The following STIP1 variants were observed in gnomAD, a reference collection of about 807,000 sequenced individuals.
STIP1 encodes stress induced phosphoprotein 1, also known as stress-induced-phosphoprotein 1.
STIP1 carries 16 observed loss-of-function variants against 77.4 expected under a neutral mutation model. The observed-to-expected ratio is 0.21, with a 90% CI of 0.14 to 0.31. The LOEUF is 0.31. STIP1 is among the 10% of genes least tolerant of loss of function. The pLI, the probability that STIP1 is intolerant of heterozygous loss-of-function variation, is 1.00. For missense variants in STIP1, 524 were observed against 684.8 expected (o/e 0.77, Z 2.62); for synonymous variants, 258 against 246.6 (o/e 1.05, Z -0.44).
chr11:64,197,063 G>GTCGC, intron 5 of STIP1: 1 of 620,526 alleles, frequency 1.6e-6, no homozygotes, highest in Non-Finnish European at 2.7e-6. Context: ...GGAAAAGGGG[G>GTCGC]AGTTTCAGAG....
chr11:64,186,029 GA>G, upstream of STIP1: 1 of 1,545,584 alleles, frequency 6.5e-7, no homozygotes, highest in East Asian at 2.4e-5. Context: ...AGGGTTGAGG[GA>G]ATTACTCCCC....
rs560252329 is a variant in STIP1, at chr11:64,202,711, T to G, written c.1246-165T>G. ...AGCCTCTTGCAGAGTCCAGGCAGTT[T>G]GTCTTGTGTGGGATGATCCATCATC... On this transcript the variant is annotated intron_variant, in intron 10 of 13. Transcript: ENST00000305218. 114 of 707,234 alleles carry G rather than the reference T, an allele frequency of 1.6e-4. No homozygotes were observed. In the East Asian group the frequency reaches 2.8e-3, roughly 18 times the overall value. 43.8% of individuals were successfully genotyped at this position (707,234 alleles called of 1,614,324 possible).
Position 64,203,147 on chromosome 11 carries a change from C to G in STIP1, c.1305C>G (p.Ala435=), listed in dbSNP as rs199591455. 4.3e-6 allele frequency: 7 copies of G among 1,614,172 alleles called. No homozygotes were observed. Among genetic ancestry groups the G allele is most frequent in the African/African-American group, 1.3e-5 (1 of 75,048 alleles). The change falls in exon 12 of 14, where the codon GCC becomes GCG. Residue 435 remains alanine (A), a synonymous_variant. Transcript: ENST00000305218. ...TAGTCAAGGGTTATACACGGAAAGC[C>G]GCTGCGCTGGAAGCGATGAAGGACT... The part of the protein sequence containing the change: ...PTFIKGYTRK[A]AALEAMKDYT...
rs1418167504 is a variant in STIP1, at chr11:64,201,692, T to TA, written c.1246-1183dup. Among the ~76,000 whole-genome samples the TA allele has an allele frequency of 9.2e-5, 14 of 152,312 alleles. No individual in the cohort carries two copies. In the South Asian group the frequency reaches 2.9e-3, roughly 32 times the overall value. On this transcript the variant is annotated intron_variant, in intron 10 of 13. Transcript: ENST00000305218. ...CTTGGCCTAGAGACATCATTTCTAC[T>TA]AGTAGGATTGTGCAAGAGTCATGTC...
chr11:64,200,835 C>G (rs1946211657), intron 10 of STIP1, among the ~76,000 whole-genome samples: 1 of 150,244 alleles, frequency 6.7e-6, no homozygotes, highest in South Asian at 2.1e-4. Flanking sequence ...GAGACAGTCT[C>G]ACTCAGCTGC....
At chr11:64,190,261 C>T (rs1335779579) in intron 1 of STIP1, among the ~76,000 whole-genome samples, 1 of 152,084 alleles carries the variant, frequency 6.6e-6, no homozygotes. Flanking sequence ...GCAACCTCCG[C>T]CTCCCAGGTT....
At chr11:64,191,902 G>A (rs1030040403) in intron 1 of STIP1, among the ~76,000 whole-genome samples, 4 of 152,230 alleles carry the variant, frequency 2.6e-5, no homozygotes, top group South Asian at 2.1e-4. Flanking sequence ...CTTGCCAGAC[G>A]GTGGGGCAGG....
At chr11:64,198,462 CA>C (rs2134801509) in intron 8 of STIP1, among the ~76,000 whole-genome samples, 1 of 152,262 alleles carries the variant, frequency 6.6e-6, no homozygotes, top group South Asian at 2.1e-4. Context: ...CCACCCACCT[CA>C]ACCTCCCAAA....
rs1303540859 is a variant in STIP1 at position 64,202,882 on chromosome 11, G to A, written c.1252G>A (p.Glu418Lys). 1 of 1,614,222 alleles carries A rather than the reference G, an allele frequency of 6.2e-7. No individual in the cohort carries two copies. The highest frequency in any genetic ancestry group is 1.1e-5 in the South Asian group (1 of 91,084). The change falls in exon 11 of 14, where the codon GAG becomes AAG. Residue 418 changes from glutamate (E) to lysine (K), a missense_variant. Coordinates refer to ENST00000305218, the MANE Select transcript of STIP1 (RefSeq NM_006819.3). The part of the protein sequence containing the change: ...LEFQLALKDC[E>K]ECIQLEPTFI... Reference sequence around the variant, plus strand: ...TTCTGTTGCTTCATTCTAGGACTGTGAGGAATGTATCCAGCTGGAGCCGAC... The same window carrying A: ...TTCTGTTGCTTCATTCTAGGACTGTAAGGAATGTATCCAGCTGGAGCCGAC...
chr11:64,202,741 G>A lies in STIP1; in HGVS notation c.1246-135G>A. On this transcript the variant is annotated intron_variant, in intron 10 of 13. Coordinates refer to ENST00000305218, the MANE Select transcript of STIP1 (RefSeq NM_006819.3). ...TGTGTGGGATGATCCATCATCTGGA[G>A]TTGTCTTTCCTGATGTTGTCCCCTC... The A allele has an allele frequency of 6.6e-6, 6 of 914,734 alleles. No individual in the cohort carries two copies. The South Asian group carries it at 8.5e-5, about 13-fold the overall frequency. 56.7% of individuals were successfully genotyped at this position (914,734 alleles called of 1,614,324 possible).
rs755399481 is a variant in STIP1 at position 64,204,142 on chromosome 11, C to A, written c.*16C>A. ...AATTCGGTGATGACTTGTTCATCCC[C>A]CCTTCCCTTCGCCCTCATGTGGAAA... On this transcript the variant is annotated 3_prime_UTR_variant, in exon 14 of 14. Transcript: ENST00000305218. The A allele has an allele frequency of 6.2e-7, 1 of 1,614,062 alleles. No homozygotes were observed. The highest frequency in any genetic ancestry group is 8.5e-7 in the Non-Finnish European group (1 of 1,179,960).
At chr11:64,203,962 T>C (rs1393395129) in intron 13 of STIP1, 92 bp from the exon 14 acceptor site, 1 of 1,483,472 alleles carries the variant, frequency 6.7e-7, no homozygotes, top group African/African-American at 1.4e-5. Context: ...TGCCGGGGCC[T>C]TCTGTAGAGG....
At chr11:64,187,689 C>T (rs775765254) in intron 1 of STIP1, among the ~76,000 whole-genome samples, 3 of 152,130 alleles carry the variant, frequency 2.0e-5, no homozygotes, top group Admixed American at 6.6e-5. Flanking sequence ...TGGAATAAGA[C>T]GTTGCTCTTT....
intron 5 of STIP1, among the ~76,000 whole-genome samples, chr11:64,196,428 A>G (rs1173471521): frequency 3.3e-5 from 5 of 150,592 alleles, no homozygotes; most frequent in African/African-American, 9.7e-5. Flanking sequence ...TCACAAGAGC[A>G]TTCCTAGGAG....
upstream of STIP1, chr11:64,185,963 A>G (rs754095656): frequency 1.0e-5 from 16 of 1,538,288 alleles, no homozygotes; most frequent in African/African-American, 8.2e-5. Context: ...CCATTCGTGG[A>G]GCCTGAGATG....
chr11:64,203,936 C>T (rs986760434), intron 13 of STIP1, 118 bp from the exon 14 acceptor site: 19 of 1,276,482 alleles, frequency 1.5e-5, no homozygotes, highest in Admixed American at 7.5e-5. Flanking sequence ...CCCCGGGCCT[C>T]GCCAGGACCC....
Position 64,197,305 on chromosome 11 carries a change from A to C in STIP1, c.707A>C (p.Tyr236Ser). 6.2e-7 allele frequency: 1 copy of C among 1,614,084 alleles called. No homozygotes were observed. Among genetic ancestry groups the C allele is most frequent in the Non-Finnish European group, 8.5e-7 (1 of 1,180,012 alleles). ...LKEKELGNDA[Y>S]KKKDFDTALK... ...GAAAAAGAGCTGGGGAACGATGCCTACAAGAAGAAAGACTTTGACACAGCC... is the reference window on the plus strand; with the variant it reads ...GAAAAAGAGCTGGGGAACGATGCCTCCAAGAAGAAAGACTTTGACACAGCC... The change falls in exon 6 of 14, where the codon TAC becomes TCC. Residue 236 changes from tyrosine to serine, a missense_variant. By Grantham distance (144) the Tyr-to-Ser change is moderately radical. Transcript: ENST00000305218.
At chr11:64,203,783 G>C in intron 13 of STIP1, 161 bp downstream of exon 13, 1 of 845,378 alleles carries the variant, frequency 1.2e-6, no homozygotes, top group South Asian at 1.7e-5. Context: ...AGCTGGAAGG[G>C]CTTTGTTAGT....
chr11:64,185,615 C>T (rs1234559562), upstream of STIP1: 4 of 625,264 alleles, frequency 6.4e-6, no homozygotes, highest in East Asian at 8.7e-5. Flanking sequence ...CTGGAACTCG[C>T]GGCACTCGGG....
Sources: gnomAD v4.1 joint callset for allele counts (sites outside exome capture counted in the v4.1 genomes callset) on GRCh38, gnomAD v4.1.1 for gene constraint, MANE v1.5 for transcripts, NCBI Gene and HGNC (gene_info 2026-07-23, HGNC 2026-07-21) for gene names.